Variants in LGR4 observed in about 807,000 individuals in gnomAD.
The protein encoded by LGR4 is leucine rich repeat containing G protein-coupled receptor 4, also known as leucine-rich repeat-containing G protein-coupled receptor 4.
Under a neutral mutation model 84.8 loss-of-function variants are expected in LGR4, and 44 were observed. The observed-to-expected ratio is 0.52, with a 90% confidence interval of 0.41 to 0.67. The LOEUF is 0.67. Among genes scored for constraint, LGR4 ranks in the 30% least tolerant of loss-of-function variants. The probability of loss-of-function intolerance (pLI) is 0.00; values close to 1 mark genes in which losing one functional copy is unlikely to be tolerated. For missense variants in LGR4, 1,032 were observed against 1,131.4 expected (o/e 0.91, Z 1.26); for synonymous variants, 429 against 434.3 (o/e 0.99, Z 0.15).
rs147484879 is a variant in LGR4 at position 27,450,757 on chromosome 11, C to T, written c.185+21361G>A. On this transcript the variant is annotated intron_variant, in intron 1 of 17. Coordinates refer to ENST00000379214, the MANE Select transcript of LGR4 (RefSeq NM_018490.5). ...GAGCTGAGATCGCGCCATTGCACTC[C>T]AGCCTGGGCAACAAGAGCAAAACTG... Among the ~76,000 whole-genome samples, 376 of 152,248 alleles carry T rather than the reference C, an allele frequency of 2.5e-3. 2 individuals carry two copies. Among genetic ancestry groups the T allele is most frequent in the African/African-American group, 8.6e-3 (359 of 41,554 alleles).
intron 1 of LGR4, among the ~76,000 whole-genome samples, chr11:27,433,360 C>T (rs976038810): frequency 6.6e-6 from 1 of 151,926 alleles, no homozygotes; most frequent in Non-Finnish European, 1.5e-5. Flanking sequence ...CCACAGGCGC[C>T]TGCCACCATG....
chr11:27,391,720 G>C (rs1199687773), intron 3 of LGR4, among the ~76,000 whole-genome samples: 1 of 152,120 alleles, frequency 6.6e-6, no homozygotes, highest in East Asian at 1.9e-4. Context: ...ACTAGTTAGG[G>C]CCTGCCAAAT....
At chr11:27,457,561 T>C (rs1008384856) in intron 1 of LGR4, among the ~76,000 whole-genome samples, 100 of 152,192 alleles carry the variant, frequency 6.6e-4, no homozygotes, top group African/African-American at 2.3e-3. Flanking sequence ...CTATAAGTAA[T>C]TGGTGATAAC....
In LGR4 at chr11:27,368,498, T is replaced by A; in HGVS notation, c.2225A>T (p.Gln742Leu). The A allele has an allele frequency of 6.2e-7, 1 of 1,614,208 alleles. No homozygotes were observed. The highest frequency in any genetic ancestry group is 1.1e-5 in the South Asian group (1 of 91,086). Residue 742 changes from glutamine to leucine, a missense_variant, in exon 18 of 18, where the codon CAA (glutamine) becomes CTA (leucine). Gln to Leu is a moderately radical substitution (Grantham distance 113, BLOSUM62 -2). Transcript: ENST00000379214. ...LEKEDLSENS[Q>L]SSMIKHVAWL... The stretch of plus-strand genomic sequence containing the variant: ...AGCGACATGCTTAATCATGCTAGAT[T>A]GTGAGTTTTCTGAGAGGTCCTCTTT...
chr11:27,422,307 G>A (rs1051678079), intron 1 of LGR4, among the ~76,000 whole-genome samples: 9 of 152,242 alleles, frequency 5.9e-5, no homozygotes, highest in East Asian at 3.9e-4. Flanking sequence ...TTATTAACGC[G>A]ACTGATAGGA....
chr11:27,449,183 T>A (rs1864441644), intron 1 of LGR4, among the ~76,000 whole-genome samples: 1 of 152,202 alleles, frequency 6.6e-6, no homozygotes, highest in Non-Finnish European at 1.5e-5. Context: ...AATACCTACT[T>A]AAGTATAATG....
intron 1 of LGR4, among the ~76,000 whole-genome samples, chr11:27,445,627 C>T (rs557807671): frequency 1.3e-5 from 2 of 152,176 alleles, no homozygotes; most frequent in African/African-American, 4.8e-5. Context: ...ACCTGTAATC[C>T]AAGCATTTTG....
rs1862771491 is a variant in LGR4, at chr11:27,366,704, T to G, written c.*1163A>C. 6.6e-6 allele frequency: 1 copy of G among 152,594 alleles called. No individual in the cohort carries two copies. The highest frequency in any genetic ancestry group is 1.5e-5 in the Non-Finnish European group (1 of 67,996). The allele number at this position is 152,594 out of a possible 1,614,324, so 9.5% of individuals were successfully genotyped here. A position where few individuals can be genotyped will look rare whatever the true frequency, so the allele number is the denominator to read the frequency against. ...TTTTTAAAGACACAGGACTAAGCTT[T>G]ATTCTTTCTTCTTCTATTTTTATTA... On this transcript the variant is annotated 3_prime_UTR_variant, in exon 18 of 18. Transcript: ENST00000379214.
At chr11:27,463,648 C>T (rs1680701416) in intron 1 of LGR4, among the ~76,000 whole-genome samples, 1 of 151,600 alleles carries the variant, frequency 6.6e-6, no homozygotes, top group Non-Finnish European at 1.5e-5. Flanking sequence ...CAGCCGGGTG[C>T]GGTAGCAGGT....
At chr11:27,464,169 G>A (rs1411440335) in intron 1 of LGR4, among the ~76,000 whole-genome samples, 2 of 152,152 alleles carry the variant, frequency 1.3e-5, no homozygotes, top group Non-Finnish European at 2.9e-5. Context: ...GAATTATTCT[G>A]CAAAAATGCA....
chr11:27,391,387 C>G (rs1040874485), intron 3 of LGR4, among the ~76,000 whole-genome samples: 6 of 151,924 alleles, frequency 3.9e-5, no homozygotes, highest in Non-Finnish European at 7.4e-5. Context: ...AAGCCATGCC[C>G]TAATACAGAC....
rs566177265 is a variant in LGR4, at chr11:27,438,847, C to T, written c.186-25987G>A. 3.3e-4 allele frequency among the ~76,000 whole-genome samples: 50 copies of T among 152,250 alleles called. 1 individual carries two copies. In the South Asian group the frequency reaches 4.4e-3, roughly 13 times the overall value. On this transcript the variant is annotated intron_variant, in intron 1 of 17. Transcript: ENST00000379214. ...CTGAAACTTACCCCATCAGCTCTCC[C>T]GGGTCCCAGGCCTTCAGTCGTGGAC... is the stretch of plus-strand genomic sequence containing the variant.
intron 1 of LGR4, among the ~76,000 whole-genome samples, chr11:27,428,291 C>T (rs1355153703): frequency 2.0e-5 from 3 of 152,088 alleles, no homozygotes; most frequent in African/African-American, 7.2e-5. Context: ...CATCCACCAC[C>T]ACGTCTGGCT....
At chr11:27,372,111 C>T (rs1021193075) in intron 16 of LGR4, among the ~76,000 whole-genome samples, 172 bp downstream of exon 16, 5 of 152,176 alleles carry the variant, frequency 3.3e-5, no homozygotes, top group South Asian at 2.1e-4. Flanking sequence ...ATGACCCTCC[C>T]GCCTTGGCCT....
At chr11:27,386,642 C>T (rs1252668097) in intron 4 of LGR4, among the ~76,000 whole-genome samples, 1 of 152,174 alleles carries the variant, frequency 6.6e-6, no homozygotes, top group Non-Finnish European at 1.5e-5. Flanking sequence ...CTTTCCACCA[C>T]AGTCAAGTTC....
intron 2 of LGR4, among the ~76,000 whole-genome samples, chr11:27,395,828 G>A (rs747292458): frequency 6.6e-6 from 1 of 152,124 alleles, no homozygotes; most frequent in Non-Finnish European, 1.5e-5. Flanking sequence ...AATTGCACCC[G>A]CCAGAAGCTC....
At chr11:27,460,404 A>G (rs938005013) in intron 1 of LGR4, among the ~76,000 whole-genome samples, 1 of 152,230 alleles carries the variant, frequency 6.6e-6, no homozygotes, top group Non-Finnish European at 1.5e-5. Flanking sequence ...TGGGAATTCA[A>G]GCATCTGTGA....
chr11:27,463,079 A>AAAAG (rs1864713298), intron 1 of LGR4, among the ~76,000 whole-genome samples: 3 of 149,796 alleles, frequency 2.0e-5, no homozygotes, highest in African/African-American at 7.3e-5. Context: ...AAAAAAAAAA[A>AAAAG]AAAAAAAAAA....
At chr11:27,454,662 G>A (rs966622721) in intron 1 of LGR4, among the ~76,000 whole-genome samples, 2 of 151,772 alleles carry the variant, frequency 1.3e-5, no homozygotes, top group Non-Finnish European at 2.9e-5. Flanking sequence ...ATCAGGGGCT[G>A]AGGCAGGGGA....
Sources: gnomAD v4.1 joint callset for allele counts (sites outside exome capture counted in the v4.1 genomes callset) on GRCh38, gnomAD v4.1.1 for gene constraint, MANE v1.5 for transcripts, NCBI Gene and HGNC (gene_info 2026-07-23, HGNC 2026-07-21) for gene names.